The following SKOR2 variants were observed in gnomAD, a reference collection of about 807,000 sequenced individuals.
SKOR2 encodes LBX1 corepressor 1-like protein.
Under a neutral mutation model 69.1 loss-of-function variants are expected in SKOR2, and 47 were observed. The observed-to-expected ratio is 0.68, with a 90% confidence interval of 0.54 to 0.87. The LOEUF (loss-of-function observed/expected upper bound fraction) is 0.87. Ranked by LOEUF, SKOR2 falls within the 40% of genes least tolerant of loss-of-function variation. The pLI is 0.00. For missense variants in SKOR2, 1,404 were observed against 1,472.2 expected, an observed-to-expected ratio of 0.95 and a Z score of 0.76; for synonymous variants, 717 against 672.6, an observed-to-expected ratio of 1.07 and a Z score of -1.02.
chr18:47,217,551 G>A (rs2064147849), intron 7 of SKOR2, among the ~76,000 whole-genome samples: 2 of 152,160 alleles, frequency 1.3e-5, no homozygotes, highest in Admixed American at 1.3e-4. Context: ...CCAGGACCAA[G>A]CCAGGGAAAT....
At chr18:47,217,075 A>G (rs2064146256) in intron 7 of SKOR2, among the ~76,000 whole-genome samples, 1 of 152,224 alleles carries the variant, frequency 6.6e-6, no homozygotes, top group Admixed American at 6.5e-5. Context: ...TGTTCAAGTA[A>G]CACTGAATCT....
Position 47,248,127 on chromosome 18 carries a change from C to T in SKOR2, c.1057G>A (p.Gly353Arg). 1 of 1,300,312 alleles carries T rather than the reference C, an allele frequency of 7.7e-7. No homozygotes were observed. Among genetic ancestry groups the T allele is most frequent in the Non-Finnish European group, 9.7e-7 (1 of 1,033,274 alleles). 80.5% of individuals were successfully genotyped at this position (1,300,312 alleles called of 1,614,324 possible). The change falls in exon 2 of 9, where the codon GGG becomes AGG. Residue 353 changes from glycine (G) to arginine (R), a missense_variant. This residue lies in a region of SKOR2 where 1,266 missense variants were observed against 1,309.9 expected (regional missense o/e 0.97). Coordinates refer to ENST00000425639, the MANE Select transcript of SKOR2 (RefSeq NM_001278063.4). The surrounding 1 kb of genome is among the most constrained non-coding windows in gnomAD (Gnocchi z 6.4). ...CCCACGCCGGCCACACAGCCACCCC[C>T]AGCGCCGCCCCCACCAGTCCCCGCG... Reference protein sequence around the residue: ...GGAGTGGGGAGGGCVAGVGVG... With the variant: ...GGAGTGGGGARGGCVAGVGVG...
intron 4 of SKOR2, among the ~76,000 whole-genome samples, chr18:47,233,499 G>A (rs952691856): frequency 1.3e-5 from 2 of 152,204 alleles, no homozygotes; most frequent in African/African-American, 4.8e-5. Context: ...AGTTAAAGGT[G>A]TAGAAGTTTC....
chr18:47,211,631 G>T (rs985251018), intron 8 of SKOR2, among the ~76,000 whole-genome samples: 1 of 152,176 alleles, frequency 6.6e-6, no homozygotes, highest in African/African-American at 2.4e-5. Flanking sequence ...AGAGCAGAAG[G>T]TCTCAAAGGT....
Position 47,248,978 on chromosome 18 carries a change from T to C in SKOR2, c.206A>G (p.Asn69Ser). The C allele has an allele frequency of 6.4e-7, 1 of 1,569,144 alleles. No individual in the cohort carries two copies. The highest frequency in any genetic ancestry group is 8.6e-7 in the Non-Finnish European group (1 of 1,164,588). ...QERLCLAQIS[N>S]TLLKNFSYNE... ...GTAGCTGAAGTTCTTGAGCAGAGTGTTGGAGATCTGCGCCAGGCACAGGCG... is the reference window on the plus strand; with the variant it reads ...GTAGCTGAAGTTCTTGAGCAGAGTGCTGGAGATCTGCGCCAGGCACAGGCG... The change falls in exon 2 of 9, where the codon AAC becomes AGC. Residue 69 changes from asparagine to serine, a missense_variant. Transcript: ENST00000425639. The surrounding 1 kb of genome is among the most constrained non-coding windows in gnomAD (Gnocchi z 6.4).
intron 6 of SKOR2, among the ~76,000 whole-genome samples, chr18:47,224,284 T>C (rs1600030676): frequency 6.6e-6 from 1 of 152,138 alleles, no homozygotes; most frequent in East Asian, 1.9e-4. Context: ...CCAACTTCTG[T>C]AATGAGAATC....
intron 4 of SKOR2, among the ~76,000 whole-genome samples, chr18:47,243,829 A>G (rs1193287500): frequency 1.3e-5 from 2 of 152,214 alleles, no homozygotes; most frequent in African/African-American, 4.8e-5. Context: ...GCACAAAATG[A>G]TAGTATTGTG....
rs2064149724 is a variant in SKOR2, at chr18:47,218,064, T to C, written c.2985+1879A>G. 2.0e-5 allele frequency among the ~76,000 whole-genome samples: 3 copies of C among 152,210 alleles called. No homozygotes were observed. The South Asian group carries it at 6.2e-4, about 31-fold the overall frequency. Reference sequence around the variant, plus strand: ...CAAAAGACATGAGATATTTTTTTGTTCTATCAATCCTATCTGCTTAGTACA... The same window carrying C: ...CAAAAGACATGAGATATTTTTTTGTCCTATCAATCCTATCTGCTTAGTACA... On this transcript the variant is annotated intron_variant, in intron 7 of 8. Coordinates refer to ENST00000425639, the MANE Select transcript of SKOR2 (RefSeq NM_001278063.4).
At position 47,248,073 on chromosome 18, in the gene SKOR2, C is replaced by G; in HGVS notation, c.1111G>C (p.Gly371Arg). 2.9e-6 allele frequency: 4 copies of G among 1,402,010 alleles called. No individual in the cohort carries two copies. The highest frequency in any genetic ancestry group is 2.2e-4 in the Middle Eastern group (1 of 4,606). The allele number at this position is 1,402,010 out of a possible 1,614,324, so 86.8% of individuals were successfully genotyped here. Residue 371 changes from glycine to arginine, a missense_variant, in exon 2 of 9, where the codon GGG (glycine) becomes CGG (arginine). Around this residue, in one of 3 missense-constraint regions of SKOR2, gnomAD observed 1,266 missense variants for 1,309.9 expected, o/e 0.97. Coordinates refer to ENST00000425639, the MANE Select transcript of SKOR2 (RefSeq NM_001278063.4). The surrounding 1 kb of genome is among the most constrained non-coding windows in gnomAD (Gnocchi z 6.4). ...GVGAGAGAGAGAGAKGPRSYP... is the reference protein window; with the variant it reads ...GVGAGAGAGARAGAKGPRSYP... ...CTGCGCGGGCCTTTGGCCCCTGCCC[C>G]GGCACCCGCCCCCGCGCCCGCGCCC...
intron 7 of SKOR2, among the ~76,000 whole-genome samples, chr18:47,218,794 T>C (rs1600027013): frequency 6.6e-6 from 1 of 152,130 alleles, no homozygotes; most frequent in African/African-American, 2.4e-5. Context: ...TTAAATCAAT[T>C]ATGAAAATCC....
At position 47,206,455 on chromosome 18, in the gene SKOR2, G is replaced by T; in HGVS notation, c.*441C>A. The T allele has an allele frequency of 6.6e-6, 1 of 152,150 alleles. No individual in the cohort carries two copies. The highest frequency in any genetic ancestry group is 1.5e-5 in the Non-Finnish European group (1 of 68,046). The allele number at this position is 152,150 out of a possible 1,614,324, so 9.4% of individuals were successfully genotyped here. On this transcript the variant is annotated 3_prime_UTR_variant, in exon 9 of 9. Coordinates refer to ENST00000425639, the MANE Select transcript of SKOR2 (RefSeq NM_001278063.4). ...TATCCCCACTCCTAGGATGGGTCTT[G>T]TGTTTTCTTCCACCAAGAATCACTT...
chr18:47,243,580 G>T (rs1953194310), intron 4 of SKOR2, among the ~76,000 whole-genome samples: 1 of 152,038 alleles, frequency 6.6e-6, no homozygotes, highest in Admixed American at 6.6e-5. Flanking sequence ...TCCATTTCAG[G>T]CCTCAATTTT....
intron 4 of SKOR2, among the ~76,000 whole-genome samples, chr18:47,233,988 A>G (rs758356302): frequency 7.9e-5 from 12 of 152,156 alleles, no homozygotes; most frequent in Non-Finnish European, 1.5e-4. Context: ...TTTCAAACAG[A>G]TATTTTGCTG....
intron 4 of SKOR2, among the ~76,000 whole-genome samples, chr18:47,243,209 C>G (rs2064256681): frequency 6.6e-6 from 1 of 152,178 alleles, no homozygotes. Flanking sequence ...CAATCCACTT[C>G]AGCAGCTGAA....
In SKOR2 at chr18:47,217,897, C is replaced by G. The variant is rs147687133; in HGVS notation, c.2985+2046G>C. Among the ~76,000 whole-genome samples, 664 of 152,092 alleles carry G rather than the reference C, an allele frequency of 4.4e-3. 12 individuals are homozygous for G. The highest frequency in any genetic ancestry group is 2.9e-3 in the Non-Finnish European group (196 of 68,002). On this transcript the variant is annotated intron_variant, in intron 7 of 8. Coordinates refer to ENST00000425639, the MANE Select transcript of SKOR2 (RefSeq NM_001278063.4). ...TTTCCCAAATTATTTAATTTGCTAC[C>G]AGGAATAGTTTACTATCTATAGGAA...
At chr18:47,217,640 C>T (rs1326832152) in intron 7 of SKOR2, among the ~76,000 whole-genome samples, 1 of 152,074 alleles carries the variant, frequency 6.6e-6, no homozygotes, top group Non-Finnish European at 1.5e-5. Flanking sequence ...ATTCATTCAA[C>T]AAATGTTTAT....
At chr18:47,237,627 AAAAT>A (rs2064229880) in intron 4 of SKOR2, among the ~76,000 whole-genome samples, 1 of 152,128 alleles carries the variant, frequency 6.6e-6, no homozygotes, top group Non-Finnish European at 1.5e-5. Context: ...TAAAGATCAA[AAAAT>A]GTGGCATTCA....
intron 7 of SKOR2, among the ~76,000 whole-genome samples, chr18:47,215,367 T>TA (rs1025928419): frequency 2.0e-5 from 3 of 151,872 alleles, no homozygotes; most frequent in East Asian, 3.8e-4. Flanking sequence ...TACCTTTTTT[T>TA]AAAAAAAAGA....
chr18:47,233,242 C>T (rs1055422525), intron 4 of SKOR2, among the ~76,000 whole-genome samples: 1 of 152,114 alleles, frequency 6.6e-6, no homozygotes, highest in Admixed American at 6.5e-5. Context: ...TGGACATGAC[C>T]TCTCTATAGG....
Sources: gnomAD v4.1 joint callset for allele counts (sites outside exome capture counted in the v4.1 genomes callset) on GRCh38, gnomAD v4.1.1 for gene constraint, gnomAD v4.1.1 regional missense constraint, Gnocchi (gnomAD v3.1) non-coding constraint, MANE v1.5 for transcripts, NCBI Gene and HGNC (gene_info 2026-07-23, HGNC 2026-07-21) for gene names.